Variants in SERP2 observed in about 807,000 individuals in gnomAD.
SERP2 encodes stress-associated endoplasmic reticulum protein 2.
Under a neutral mutation model 9.1 loss-of-function variants are expected in SERP2, and 6 were observed. The observed-to-expected ratio is 0.66, with a 90% CI of 0.36 to 1.30. SERP2 has a LOEUF of 1.30. Among genes scored for constraint, SERP2 ranks in the 50% most tolerant of loss-of-function variants. SERP2 has a pLI of 0.03. For missense variants in SERP2, 58 were observed against 81.9 expected (o/e 0.71, Z 1.13); for synonymous variants, 37 against 27.3 (o/e 1.35, Z -1.10).
intron 2 of SERP2, among the ~76,000 whole-genome samples, chr13:44,380,085 T>C (rs573536828): frequency 1.4e-4 from 22 of 152,248 alleles, no homozygotes; most frequent in African/African-American, 4.6e-4. Context: ...CCTTATGCCT[T>C]ATGAGAAAGT....
chr13:44,379,687 T>C lies in SERP2; in HGVS notation c.131T>C (p.Leu44Pro). 6.2e-7 allele frequency: 1 copy of C among 1,613,138 alleles called. No homozygotes were observed. The highest frequency in any genetic ancestry group is 8.5e-7 in the Non-Finnish European group (1 of 1,179,446). The change falls in exon 2 of 3, where the codon CTG becomes CCG. Residue 44 changes from leucine (L) to proline (P), a missense_variant. Leu to Pro is a moderately conservative substitution (Grantham distance 98, BLOSUM62 -3). Transcript: ENST00000379179. ...CCTGTGGGACCATGGCTGTTGGCAC[T>C]GTTTGTTTTTGTTGTCTGTGGCTCA... ...KYPVGPWLLALFVFVVCGSAI... is the reference protein window; with the variant it reads ...KYPVGPWLLAPFVFVVCGSAI...
At chr13:44,392,676 T>G (rs1164134490) in intron 2 of SERP2, among the ~76,000 whole-genome samples, 3 of 149,196 alleles carry the variant, frequency 2.0e-5, no homozygotes, top group Non-Finnish European at 4.6e-5. Context: ...GATGCCAGTT[T>G]TAGCAGTGGG....
rs1873192604 is a variant in SERP2 at position 44,397,555 on chromosome 13, A to G, written c.*243A>G. The G allele has an allele frequency of 1.8e-6, 1 of 558,246 alleles. No individual in the cohort carries two copies. 34.6% of individuals were successfully genotyped at this position (558,246 alleles called of 1,614,324 possible). The stretch of plus-strand genomic sequence containing the variant: ...TTTTCTGTTGGCAGGATTAGTAGCC[A>G]CGCGGGTCGTCCGCAGCAGTGCTGT... On this transcript the variant is annotated 3_prime_UTR_variant, in exon 3 of 3. Transcript: ENST00000379179.
In SERP2 at chr13:44,379,669, G is replaced by A. The variant is rs763407378; in HGVS notation, c.113G>A (p.Gly38Glu). Residue 38 changes from glycine (G) to glutamate (E), a missense_variant, in exon 2 of 3, where the codon GGA (glycine) becomes GAA (glutamate). Gly to Glu is a moderately conservative substitution (Grantham distance 98). Coordinates refer to ENST00000379179, the MANE Select transcript of SERP2 (RefSeq NM_001010897.3). ...CCGCAAGAGGAGAAATATCCTGTGGGACCATGGCTGTTGGCACTGTTTGTT... is the reference window on the plus strand; with the variant it reads ...CCGCAAGAGGAGAAATATCCTGTGGAACCATGGCTGTTGGCACTGTTTGTT... ...LRPQEEKYPV[G>E]PWLLALFVFV... 6.2e-7 allele frequency: 1 copy of A among 1,612,956 alleles called. No homozygotes were observed. The highest frequency in any genetic ancestry group is 8.5e-7 in the Non-Finnish European group (1 of 1,179,340).
intron 1 of SERP2, 68 bp downstream of exon 1, chr13:44,374,177 C>CGGGGGGGGTGGGGGGGGG: frequency 6.6e-6 from 1 of 151,760 alleles, no homozygotes. Context: ...AAGGTGGGGG[C>CGGGGGGGGTGGGGGGGGG]GGGGCCGGGC....
intron 2 of SERP2, among the ~76,000 whole-genome samples, chr13:44,382,984 G>A (rs1254392433): frequency 6.6e-6 from 1 of 152,184 alleles, no homozygotes; most frequent in East Asian, 1.9e-4. Flanking sequence ...GTTTCCAAGG[G>A]GAGGTGCTGT....
chr13:44,382,452 A>C (rs960632753), intron 2 of SERP2, among the ~76,000 whole-genome samples: 1 of 151,078 alleles, frequency 6.6e-6, no homozygotes, highest in Non-Finnish European at 1.5e-5. Flanking sequence ...AAAAAAAAAA[A>C]AAAAAAGAAC....
chr13:44,386,440 T>C (rs1014935756), intron 2 of SERP2, among the ~76,000 whole-genome samples: 1 of 152,202 alleles, frequency 6.6e-6, no homozygotes, highest in Non-Finnish European at 1.5e-5. Flanking sequence ...CTGGAGTGCA[T>C]TGGCACCATC....
chr13:44,396,459 AT>A (rs1873110319), intron 2 of SERP2, among the ~76,000 whole-genome samples: 1 of 151,994 alleles, frequency 6.6e-6, no homozygotes, highest in South Asian at 2.1e-4. Flanking sequence ...AAGCCATTCA[AT>A]ACATGGTAGT....
chr13:44,377,329 T>G (rs1395044289), intron 1 of SERP2, among the ~76,000 whole-genome samples: 1 of 152,240 alleles, frequency 6.6e-6, no homozygotes, highest in Non-Finnish European at 1.5e-5. Context: ...AATGAATTTT[T>G]TTATATAGCA....
At position 44,374,125 on chromosome 13, in the gene SERP2, CGCCG is replaced by C; in HGVS notation, c.84+20_84+23del. The C allele has an allele frequency of 2.0e-6, 3 of 1,513,294 alleles. No homozygotes were observed. Among genetic ancestry groups the C allele is most frequent in the Non-Finnish European group, 2.7e-6 (3 of 1,124,288 alleles). The allele number at this position is 1,513,294 out of a possible 1,614,324, so 93.7% of individuals were successfully genotyped here. ...CAAAACCCTGGTAAGGCGGGGTCGGCGCCGGCCAGGCAGAGCCCTGCAGCCCGGC... is the reference window on the plus strand; with the variant it reads ...CAAAACCCTGGTAAGGCGGGGTCGGCGCCAGGCAGAGCCCTGCAGCCCGGC... On this transcript the variant is annotated intron_variant, in intron 1 of 2. Transcript: ENST00000379179.
chr13:44,383,704 T>C (rs1000484476), intron 2 of SERP2, among the ~76,000 whole-genome samples: 2 of 151,386 alleles, frequency 1.3e-5, no homozygotes, highest in African/African-American at 2.4e-5. Context: ...CGCACCACCA[T>C]GCCCAGCTAA....
At chr13:44,379,465 C>G (rs1456913100) in intron 1 of SERP2, among the ~76,000 whole-genome samples, 176 bp from the exon 2 acceptor site, 2 of 152,200 alleles carry the variant, frequency 1.3e-5, no homozygotes, top group Non-Finnish European at 2.9e-5. Context: ...TTTTACAAAC[C>G]TGTCTCAATC....
chr13:44,377,761 C>A (rs1400482222), intron 1 of SERP2, among the ~76,000 whole-genome samples: 2 of 152,190 alleles, frequency 1.3e-5, no homozygotes, highest in Non-Finnish European at 2.9e-5. Flanking sequence ...AAGACAATAT[C>A]CTTCCTAGAA....
At chr13:44,383,489 C>T (rs1872119723) in intron 2 of SERP2, among the ~76,000 whole-genome samples, 1 of 151,238 alleles carries the variant, frequency 6.6e-6, no homozygotes, top group African/African-American at 2.4e-5. Context: ...CTCTCCTGGT[C>T]TCCAGCAGTT....
chr13:44,382,564 G>C (rs565798380), intron 2 of SERP2, among the ~76,000 whole-genome samples: 1 of 151,982 alleles, frequency 6.6e-6, no homozygotes, highest in South Asian at 2.1e-4. Flanking sequence ...TGTATGACCA[G>C]TCTGTAGATT....
Position 44,397,257 on chromosome 13 carries a change from T to A in SERP2, c.158-15T>A. ...GCAGTCTGGTGTCTGAGCTGTGGTG[T>A]TTTCCTCTTTTCAGCTATCTTTCAG... On this transcript the variant is annotated splice_polypyrimidine_tract_variant and intron_variant, in intron 2 of 2. Coordinates refer to ENST00000379179, the MANE Select transcript of SERP2 (RefSeq NM_001010897.3). 2 of 1,613,004 alleles carry A rather than the reference T, an allele frequency of 1.2e-6. No homozygotes were observed. Among genetic ancestry groups the A allele is most frequent in the Non-Finnish European group, 1.7e-6 (2 of 1,179,092 alleles).
At chr13:44,394,682 A>G (rs1467424962) in intron 2 of SERP2, among the ~76,000 whole-genome samples, 2 of 152,176 alleles carry the variant, frequency 1.3e-5, no homozygotes, top group Non-Finnish European at 2.9e-5. Context: ...TGAGGTACCT[A>G]TTATCCACAG....
intron 1 of SERP2, among the ~76,000 whole-genome samples, chr13:44,375,087 GTA>G (rs1302256555): frequency 6.6e-6 from 1 of 152,128 alleles, no homozygotes; most frequent in Non-Finnish European, 1.5e-5. Flanking sequence ...TGGTCTCCAA[GTA>G]TATGAGCAAA....
Sources: allele counts gnomAD v4.1 joint callset (sites outside exome capture counted in the v4.1 genomes callset), GRCh38; gene constraint gnomAD v4.1.1; transcripts MANE v1.5; gene names NCBI Gene and HGNC (gene_info 2026-07-23, HGNC 2026-07-21).